Variants in NELL1 observed in about 807,000 individuals in gnomAD.
NELL1 encodes the protein neural EGFL like 1, also known as protein kinase C-binding protein NELL1.
A neutral mutation model predicts 107.4 loss-of-function variants in NELL1; 76 were observed. The observed-to-expected ratio is 0.71, with a 90% CI of 0.59 to 0.86. The LOEUF (loss-of-function observed/expected upper bound fraction) is 0.86. Ranked by LOEUF, NELL1 falls within the 40% of genes least tolerant of loss-of-function variation. The pLI is 0.00. For synonymous variants in NELL1, 353 were observed against 341.2 expected (o/e 1.03, Z -0.38); for missense variants, 1,024 against 1,005.5 (o/e 1.02, Z -0.25).
chr11:20,839,289 C>G (rs1271756321), intron 3 of NELL1, among the ~76,000 whole-genome samples: 8 of 152,138 alleles, frequency 5.3e-5, no homozygotes, highest in African/African-American at 1.9e-4. Context: ...GTTTTATTTT[C>G]AATAACAAAG....
chr11:20,947,513 G>C lies in NELL1; in HGVS notation c.1171+78G>C, dbSNP rs929538469. On this transcript the variant is annotated intron_variant, in intron 11 of 19. Transcript: ENST00000357134. ...CTGGGGCATGAGATTTTAATGAATA[G>C]TATGATAATAACATGGGTCCAAAAC... The C allele has an allele frequency of 1.8e-5, 19 of 1,028,454 alleles. No homozygotes were observed. In the Admixed American group the frequency reaches 3.0e-4, roughly 16 times the overall value. The allele number at this position is 1,028,454 out of a possible 1,614,324, so 63.7% of individuals were successfully genotyped here.
intron 12 of NELL1, among the ~76,000 whole-genome samples, chr11:21,038,243 C>T (rs1184196105): frequency 1.3e-5 from 2 of 151,970 alleles, no homozygotes; most frequent in African/African-American, 4.8e-5. Context: ...TACAAAAGGC[C>T]TGGAAGATAA....
At chr11:21,416,967 G>A (rs1187115288) in intron 15 of NELL1, among the ~76,000 whole-genome samples, 1 of 151,798 alleles carries the variant, frequency 6.6e-6, no homozygotes, top group Non-Finnish European at 1.5e-5. Flanking sequence ...ATTTTTTTTA[G>A]TGGATGAGAA....
intron 12 of NELL1, among the ~76,000 whole-genome samples, chr11:21,059,976 C>A (rs1028241398): frequency 1.3e-5 from 2 of 152,128 alleles, no homozygotes; most frequent in Non-Finnish European, 2.9e-5. Context: ...TTAAAAAGCT[C>A]TTATTTTCTC....
chr11:20,913,863 G>A (rs1850188963), intron 5 of NELL1, among the ~76,000 whole-genome samples: 1 of 142,496 alleles, frequency 7.0e-6, no homozygotes, highest in Non-Finnish European at 1.5e-5. Flanking sequence ...GGGATGGGGG[G>A]AAGAATATTA....
chr11:21,292,706 A>G (rs1849297897), intron 14 of NELL1, among the ~76,000 whole-genome samples: 1 of 152,218 alleles, frequency 6.6e-6, no homozygotes, highest in African/African-American at 2.4e-5. Context: ...TAACCAAAAC[A>G]TCATGGTACT....
At chr11:20,702,590 T>G (rs1245122095) in intron 2 of NELL1, among the ~76,000 whole-genome samples, 1 of 152,092 alleles carries the variant, frequency 6.6e-6, no homozygotes, top group Non-Finnish European at 1.5e-5. Context: ...CTTGTGCCAG[T>G]TTTCAAACGG....
rs1855505371 is a variant in NELL1 at position 20,726,239 on chromosome 11, T to C, written c.184+48179T>C. The stretch of plus-strand genomic sequence containing the variant: ...CATATGTCTTTTGGTAGAATGATTT[T>C]TTTTGGGATATATACCCAGCAATGG... On this transcript the variant is annotated intron_variant, in intron 2 of 19. Coordinates refer to ENST00000357134, the MANE Select transcript of NELL1 (RefSeq NM_006157.5). Among the ~76,000 whole-genome samples the C allele has an allele frequency of 3.3e-5, 5 of 152,236 alleles. No individual in the cohort carries two copies. In the South Asian group the frequency reaches 8.3e-4, roughly 25 times the overall value.
At chr11:20,743,281 G>T (rs912716254) in intron 2 of NELL1, among the ~76,000 whole-genome samples, 16 of 151,806 alleles carry the variant, frequency 1.1e-4, no homozygotes, top group African/African-American at 3.6e-4. Flanking sequence ...TGAACCCGGG[G>T]GGTGGTGGCT....
intron 12 of NELL1, among the ~76,000 whole-genome samples, chr11:21,048,632 A>T (rs1374989737): frequency 6.6e-6 from 1 of 152,086 alleles, no homozygotes; most frequent in Non-Finnish European, 1.5e-5. Flanking sequence ...AACAAAGATG[A>T]TTCTTGCTTT....
intron 2 of NELL1, among the ~76,000 whole-genome samples, chr11:20,714,194 ATTTTTTTTTTTT>A (rs34441596): frequency 1.1e-4 from 7 of 61,772 alleles, no homozygotes; most frequent in African/African-American, 4.4e-4. Context: ...TATCTCCCCG[ATTTTTTTTTTTT>A]TTTTTTTTTT....
chr11:20,708,390 G>T (rs537514526), intron 2 of NELL1, among the ~76,000 whole-genome samples: 2 of 152,306 alleles, frequency 1.3e-5, no homozygotes, highest in African/African-American at 4.8e-5. Flanking sequence ...ACCGCAGTTG[G>T]AAATGCAGAA....
chr11:21,265,696 T>A (rs1848621047), intron 14 of NELL1, among the ~76,000 whole-genome samples: 1 of 152,072 alleles, frequency 6.6e-6, no homozygotes, highest in African/African-American at 2.4e-5. Context: ...TCTGTTTGCA[T>A]TAAGGCAAAT....
chr11:21,244,623 T>G (rs2133902298), intron 14 of NELL1, among the ~76,000 whole-genome samples: 1 of 152,316 alleles, frequency 6.6e-6, no homozygotes, highest in African/African-American at 2.4e-5. Context: ...CTGGCACATG[T>G]CTGATCTGGG....
At chr11:20,711,738 C>G (rs1855118480) in intron 2 of NELL1, among the ~76,000 whole-genome samples, 1 of 151,704 alleles carries the variant, frequency 6.6e-6, no homozygotes, top group Non-Finnish European at 1.5e-5. Context: ...AAAGTTTCTG[C>G]TAAGAAATCA....
rs980408598 is a variant in NELL1, at chr11:21,204,680, G to A, written c.1427-24652G>A. Among the ~76,000 whole-genome samples, 34 of 152,130 alleles carry A rather than the reference G, an allele frequency of 2.2e-4. No individual in the cohort carries two copies. In the Middle Eastern group the frequency reaches 0.01, roughly 46 times the overall value. On this transcript the variant is annotated intron_variant, in intron 13 of 19. Coordinates refer to ENST00000357134, the MANE Select transcript of NELL1 (RefSeq NM_006157.5). ...TGGTGAGGAGTTGTGATCCTTTGGAGAAGAAGAGGAGTTCTTTTTTTCTGG... is the reference window on the plus strand; with the variant it reads ...TGGTGAGGAGTTGTGATCCTTTGGAAAAGAAGAGGAGTTCTTTTTTTCTGG...
In NELL1 at chr11:21,007,265, C is replaced by T. The variant is rs895971131; in HGVS notation, c.1300+46705C>T. ...TAGGCATTTCTGAAATCACTAGAAC[C>T]TTTAAACTTGCTACAAATGTCAGTT... On this transcript the variant is annotated intron_variant, in intron 12 of 19. Coordinates refer to ENST00000357134, the MANE Select transcript of NELL1 (RefSeq NM_006157.5). Among the ~76,000 whole-genome samples the T allele has an allele frequency of 5.3e-5, 8 of 152,162 alleles. No individual in the cohort carries two copies. In the East Asian group the frequency reaches 1.4e-3, roughly 26 times the overall value.
At chr11:21,324,344 A>G (rs1005239014) in intron 14 of NELL1, among the ~76,000 whole-genome samples, 1 of 152,076 alleles carries the variant, frequency 6.6e-6, no homozygotes, top group Non-Finnish European at 1.5e-5. Flanking sequence ...ATGGAGAATT[A>G]TCTTATTAAG....
intron 4 of NELL1, among the ~76,000 whole-genome samples, chr11:20,848,394 G>A (rs1299324291): frequency 6.6e-6 from 1 of 152,094 alleles, no homozygotes; most frequent in Admixed American, 6.6e-5. Flanking sequence ...TGTCACTGGA[G>A]CCAGGTTTAA....
Sources: gnomAD v4.1 joint callset for allele counts (sites outside exome capture counted in the v4.1 genomes callset) on GRCh38, gnomAD v4.1.1 for gene constraint, MANE v1.5 for transcripts, NCBI Gene and HGNC (gene_info 2026-07-23, HGNC 2026-07-21) for gene names.